LMO7: variants seen among roughly 807,000 people sequenced by gnomAD.
The protein encoded by LMO7 is LIM domain 7, also known as LIM domain only protein 7.
Under a neutral mutation model 206.5 loss-of-function variants are expected in LMO7, and 120 were observed. The observed-to-expected ratio is 0.58, with a 90% CI of 0.50 to 0.68. The LOEUF is 0.68. LMO7 is among the 30% of genes least tolerant of loss of function. The pLI is 0.00. For synonymous variants in LMO7, 706 were observed against 681.5 expected (o/e 1.04, Z -0.56); for missense variants, 1,959 against 1,957.9 (o/e 1.00, Z -0.01).
chr13:75,760,649 C>T, intron 3 of LMO7: 1 of 1,484,494 alleles, frequency 6.7e-7, no homozygotes, highest in Non-Finnish European at 8.9e-7. Flanking sequence ...AGTGGCTAGG[C>T]ACTTGTCCTG....
At chr13:75,815,028 A>G (rs1051989242) in intron 11 of LMO7, among the ~76,000 whole-genome samples, 2 of 152,104 alleles carry the variant, frequency 1.3e-5, no homozygotes, top group African/African-American at 4.8e-5. Flanking sequence ...AACTCTAATG[A>G]AATGGGAAGA....
At chr13:75,842,562 T>G (rs1292967794) in intron 24 of LMO7, among the ~76,000 whole-genome samples, 1 of 152,162 alleles carries the variant, frequency 6.6e-6, no homozygotes, top group Non-Finnish European at 1.5e-5. Context: ...TGCTATAAAG[T>G]CAGTAAGTTT....
Position 75,702,639 on chromosome 13 carries a change from T to C in LMO7, c.70-10543T>C, listed in dbSNP as rs1004446858. Reference sequence around the variant, plus strand: ...ATACAATATAAGTTTACCAAGAACATGGTGTAATTCAGTGGGTTAACCACA... The same window carrying C: ...ATACAATATAAGTTTACCAAGAACACGGTGTAATTCAGTGGGTTAACCACA... On this transcript the variant is annotated intron_variant, in intron 1 of 30. Transcript: ENST00000377534. 1.1e-4 allele frequency among the ~76,000 whole-genome samples: 16 copies of C among 152,346 alleles called. No homozygotes were observed. The East Asian group carries it at 2.9e-3, about 27-fold the overall frequency.
intron 4 of LMO7, among the ~76,000 whole-genome samples, chr13:75,763,176 C>T (rs184502270): frequency 9.9e-5 from 15 of 152,190 alleles, no homozygotes; most frequent in Admixed American, 1.3e-4. Flanking sequence ...TGGCCACTTC[C>T]GGAGATACTT....
chr13:75,638,503 C>G (rs959977705), intron 1 of LMO7, among the ~76,000 whole-genome samples: 13 of 152,112 alleles, frequency 8.5e-5, no homozygotes, highest in African/African-American at 3.1e-4. Context: ...TTTTGTTCAT[C>G]GTTAGCAGAG....
intron 4 of LMO7, among the ~76,000 whole-genome samples, chr13:75,790,720 T>C (rs1478324521): frequency 2.0e-5 from 3 of 152,136 alleles, no homozygotes; most frequent in African/African-American, 4.8e-5. Flanking sequence ...ACTTGAGAGC[T>C]TGGGGCTCCC....
chr13:75,756,879 G>A (rs1466564214), intron 3 of LMO7, among the ~76,000 whole-genome samples: 2 of 152,150 alleles, frequency 1.3e-5, no homozygotes, highest in Non-Finnish European at 2.9e-5. Context: ...GCCTTATTAG[G>A]GAGTAAGTGT....
chr13:75,668,675 A>C (rs370841185), intron 1 of LMO7, among the ~76,000 whole-genome samples: 1 of 152,016 alleles, frequency 6.6e-6, no homozygotes, highest in Non-Finnish European at 1.5e-5. Context: ...TTTTTTATAC[A>C]TTAGTCCCAA....
At chr13:75,678,724 A>G (rs1231520377) in intron 1 of LMO7, among the ~76,000 whole-genome samples, 2 of 152,194 alleles carry the variant, frequency 1.3e-5, no homozygotes, top group Non-Finnish European at 2.9e-5. Context: ...TTCCAAATGG[A>G]GTGATAAATG....
intron 1 of LMO7, among the ~76,000 whole-genome samples, chr13:75,654,996 G>C (rs2037918009): frequency 6.6e-6 from 1 of 151,228 alleles, no homozygotes; most frequent in Non-Finnish European, 1.5e-5. Flanking sequence ...TCAGCCTCCT[G>C]AATATCTGGG....
chr13:75,836,605 GCAGC>G lies in LMO7; in HGVS notation c.3394+152_3394+155del, dbSNP rs1805109682. 9 of 551,944 alleles carry G rather than the reference GCAGC, an allele frequency of 1.6e-5. No individual in the cohort carries two copies. The South Asian group carries it at 2.1e-4, about 13-fold the overall frequency. 34.2% of individuals were successfully genotyped at this position (551,944 alleles called of 1,614,324 possible). A position where few individuals can be genotyped will look rare whatever the true frequency, so the allele number is the denominator to read the frequency against. On this transcript the variant is annotated intron_variant, in intron 19 of 30. Transcript: ENST00000377534. ...AAAAGGTTAACACGCAGATCCAATTGCAGCCAGGTGGAAGGGCGTTCAGTTCCAG... is the reference window on the plus strand; with the variant it reads ...AAAAGGTTAACACGCAGATCCAATTGCAGGTGGAAGGGCGTTCAGTTCCAG...
At chr13:75,713,353 A>G in intron 2 of LMO7, 101 bp downstream of exon 2, 1 of 714,764 alleles carries the variant, frequency 1.4e-6, no homozygotes, top group African/African-American at 1.8e-5. Context: ...GTAGTCACAG[A>G]TATGTGTTCT....
intron 3 of LMO7, among the ~76,000 whole-genome samples, chr13:75,728,806 G>A (rs1323146112): frequency 7.2e-6 from 1 of 138,468 alleles, no homozygotes; most frequent in Non-Finnish European, 1.5e-5. Context: ...TTTTGTATAA[G>A]GTGTAAGGAA....
chr13:75,660,018 T>C (rs1444912495), intron 1 of LMO7, among the ~76,000 whole-genome samples: 1 of 152,248 alleles, frequency 6.6e-6, no homozygotes, highest in African/African-American at 2.4e-5. Flanking sequence ...TCTGCATTTA[T>C]GTTGGCATTT....
intron 1 of LMO7, among the ~76,000 whole-genome samples, chr13:75,679,085 T>C (rs907937838): frequency 1.3e-5 from 2 of 152,178 alleles, no homozygotes; most frequent in African/African-American, 4.8e-5. Flanking sequence ...GAATTCATTG[T>C]TTTTTCCCCC....
chr13:75,769,961 T>A (rs1191869995), intron 4 of LMO7, among the ~76,000 whole-genome samples: 1 of 152,112 alleles, frequency 6.6e-6, no homozygotes. Flanking sequence ...TCACTAGACT[T>A]CTTTTGGCTT....
At chr13:75,746,573 C>T (rs969511553) in intron 3 of LMO7, among the ~76,000 whole-genome samples, 1 of 152,184 alleles carries the variant, frequency 6.6e-6, no homozygotes, top group African/African-American at 2.4e-5. Context: ...GATGCAATCC[C>T]TGTGTCTGGC....
At chr13:75,661,668 T>C (rs754446551) in intron 1 of LMO7, among the ~76,000 whole-genome samples, 13 of 152,168 alleles carry the variant, frequency 8.5e-5, no homozygotes, top group Non-Finnish European at 1.8e-4. Flanking sequence ...ACAGGAGGCG[T>C]GGAAAATGTC....
chr13:75,673,267 C>A (rs1004132956), intron 1 of LMO7, among the ~76,000 whole-genome samples: 4 of 152,106 alleles, frequency 2.6e-5, no homozygotes, highest in Non-Finnish European at 4.4e-5. Context: ...TTGATACTCT[C>A]ATTGCTTTCC....
Sources: allele counts gnomAD v4.1 joint callset (sites outside exome capture counted in the v4.1 genomes callset), GRCh38; gene constraint gnomAD v4.1.1; transcripts MANE v1.5; gene names NCBI Gene and HGNC (gene_info 2026-07-23, HGNC 2026-07-21).